Variants in B3GLCT observed in about 807,000 individuals in gnomAD.
B3GLCT encodes beta-1,3-glucosyltransferase.
Under a neutral mutation model 63.4 loss-of-function variants are expected in B3GLCT, and 65 were observed. The ratio of observed to expected loss-of-function variants is 1.03; its 90% confidence interval spans 0.84 to 1.26. The LOEUF is 1.26. Ranked by LOEUF, B3GLCT falls within the 50% of genes most tolerant of loss-of-function variation. The pLI is 0.00. For missense variants in B3GLCT, 577 were observed against 604.8 expected, an observed-to-expected ratio of 0.95 and a Z score of 0.48; for synonymous variants, 233 against 219.2, an observed-to-expected ratio of 1.06 and a Z score of -0.55.
chr13:31,220,219 G>T (rs1452939526), intron 2 of B3GLCT, among the ~76,000 whole-genome samples: 1 of 152,056 alleles, frequency 6.6e-6, no homozygotes, highest in African/African-American at 2.4e-5. Context: ...TTCTTTCGAG[G>T]GTGTCATATC....
intron 1 of B3GLCT, among the ~76,000 whole-genome samples, chr13:31,209,364 A>G (rs1869144737): frequency 6.6e-6 from 1 of 152,210 alleles, no homozygotes; most frequent in Non-Finnish European, 1.5e-5. Context: ...CCTGGAGCTT[A>G]AGGCCCCCTG....
rs1273352550 is a variant in B3GLCT, at chr13:31,269,204, T to C, written c.597-10T>C. ...TGGTTAAAAAAAATCAAATTGTCTCTATTTTCTAGGCTTACCAAGAGACTA... is the reference window on the plus strand; with the variant it reads ...TGGTTAAAAAAAATCAAATTGTCTCCATTTTCTAGGCTTACCAAGAGACTA... On this transcript the variant is annotated splice_polypyrimidine_tract_variant and intron_variant, in intron 7 of 14. Transcript: ENST00000343307. 1 of 1,599,786 alleles carries C rather than the reference T, an allele frequency of 6.3e-7. No homozygotes were observed.
chr13:31,208,487 G>A (rs1227483924), intron 1 of B3GLCT, among the ~76,000 whole-genome samples: 1 of 152,042 alleles, frequency 6.6e-6, no homozygotes, highest in Non-Finnish European at 1.5e-5. Flanking sequence ...TCCTCAGGAC[G>A]CTGGGCACCA....
intron 12 of B3GLCT, chr13:31,312,628 C>T (rs1341265086): frequency 6.6e-6 from 1 of 152,116 alleles, no homozygotes; most frequent in African/African-American, 2.4e-5. Context: ...CAAGCAGCAT[C>T]TTGAGAGAAC....
At chr13:31,247,176 G>C in intron 5 of B3GLCT, 77 bp downstream of exon 5, 2 of 1,191,034 alleles carry the variant, frequency 1.7e-6, no homozygotes, top group South Asian at 1.2e-5. Flanking sequence ...TTTTTATTAA[G>C]AGGGTGTGGT....
At chr13:31,259,188 A>G (rs1034067015) in intron 6 of B3GLCT, among the ~76,000 whole-genome samples, 1 of 152,176 alleles carries the variant, frequency 6.6e-6, no homozygotes, top group Non-Finnish European at 1.5e-5. Context: ...TAGCTGTTTA[A>G]AAGTCTTATT....
chr13:31,227,337 A>G (rs989140972), intron 3 of B3GLCT, among the ~76,000 whole-genome samples: 21 of 152,190 alleles, frequency 1.4e-4, no homozygotes, highest in Non-Finnish European at 2.4e-4. Flanking sequence ...ATTAAAAAAA[A>G]AATTATTCTC....
chr13:31,308,401 G>A (rs560595962), intron 12 of B3GLCT, among the ~76,000 whole-genome samples: 161 of 143,816 alleles, frequency 1.1e-3, no homozygotes, highest in Middle Eastern at 3.7e-3. Context: ...CAGATGAAAT[G>A]TATCAGCTGC....
At chr13:31,232,449 T>C (rs1209434462) in intron 4 of B3GLCT, among the ~76,000 whole-genome samples, 1 of 151,978 alleles carries the variant, frequency 6.6e-6, no homozygotes, top group Non-Finnish European at 1.5e-5. Flanking sequence ...CTACACACTT[T>C]TAAGCAATCA....
At chr13:31,291,533 C>T (rs1222189584) in intron 12 of B3GLCT, among the ~76,000 whole-genome samples, 1 of 152,122 alleles carries the variant, frequency 6.6e-6, no homozygotes, top group Non-Finnish European at 1.5e-5. Context: ...TTGAAGAGGT[C>T]TTTCAGATCC....
intron 6 of B3GLCT, among the ~76,000 whole-genome samples, chr13:31,259,167 C>T (rs1000265370): frequency 1.3e-5 from 2 of 152,156 alleles, no homozygotes; most frequent in Non-Finnish European, 2.9e-5. Flanking sequence ...CCTTAAAGAA[C>T]ACATTAACCA....
intron 1 of B3GLCT, among the ~76,000 whole-genome samples, chr13:31,209,972 C>T (rs1429414455): frequency 6.6e-6 from 1 of 152,188 alleles, no homozygotes; most frequent in African/African-American, 2.4e-5. Context: ...GGGTCCCTTG[C>T]TCCCTCACAG....
chr13:31,325,807 A>C, intron 14 of B3GLCT, among the ~76,000 whole-genome samples: 1 of 152,350 alleles, frequency 6.6e-6, no homozygotes, highest in Admixed American at 6.5e-5. Context: ...AATATGAGGC[A>C]AAGAGATAAA....
intron 12 of B3GLCT, among the ~76,000 whole-genome samples, chr13:31,295,990 G>C (rs1355070968): frequency 6.6e-6 from 1 of 152,208 alleles, no homozygotes; most frequent in African/African-American, 2.4e-5. Flanking sequence ...AAGACCGTGG[G>C]ACAAGTGTAG....
At chr13:31,296,703 AT>A (rs11314313) in intron 12 of B3GLCT, among the ~76,000 whole-genome samples, 141,147 of 151,240 alleles carry the variant, frequency 0.93, 66,234 homozygotes, top group East Asian at 1. Flanking sequence ...ATTATGTAAC[AT>A]TTTTTTTTTA....
At chr13:31,322,869 C>T (rs117290254) in intron 13 of B3GLCT, among the ~76,000 whole-genome samples, 2 of 152,162 alleles carry the variant, frequency 1.3e-5, no homozygotes, top group Middle Eastern at 3.4e-3. Context: ...CCAACGTGGC[C>T]GATTGGGTGT....
chr13:31,254,510 C>A (rs1478877250), intron 6 of B3GLCT, among the ~76,000 whole-genome samples: 1 of 152,138 alleles, frequency 6.6e-6, no homozygotes, highest in African/African-American at 2.4e-5. Flanking sequence ...ATGGAACTAT[C>A]TCAAAATAAT....
intron 4 of B3GLCT, among the ~76,000 whole-genome samples, chr13:31,237,829 T>G (rs1461659397): frequency 6.6e-6 from 1 of 152,166 alleles, no homozygotes; most frequent in Non-Finnish European, 1.5e-5. Flanking sequence ...GTGGCAGGTA[T>G]GCACCGTGCC....
At chr13:31,269,312 A>G (rs1872476767) in intron 8 of B3GLCT, 35 bp downstream of exon 8, 2 of 1,476,940 alleles carry the variant, frequency 1.4e-6, no homozygotes, top group Non-Finnish European at 1.9e-6. Flanking sequence ...AAATCTTACT[A>G]ATCAAGAATT....
Sources: gnomAD v4.1 joint callset for allele counts (sites outside exome capture counted in the v4.1 genomes callset) on GRCh38, gnomAD v4.1.1 for gene constraint, MANE v1.5 for transcripts, NCBI Gene and HGNC (gene_info 2026-07-23, HGNC 2026-07-21) for gene names.